Variants in RGPD8 observed in about 807,000 individuals in gnomAD.
RGPD8 encodes the protein RANBP2-like and GRIP domain-containing protein 8.
RGPD8 carries 15 observed loss-of-function variants against 89.1 expected under a neutral mutation model. The ratio of observed to expected loss-of-function variants is 0.17; its 90% CI spans 0.11 to 0.26. The LOEUF is 0.26. Ranked by LOEUF, RGPD8 falls within the 10% of genes least tolerant of loss-of-function variation. RGPD8 has a pLI of 1.00. For missense variants in RGPD8, 178 were observed against 1,179.6 expected (o/e 0.15, Z 12.44); for synonymous variants, 62 against 420.9 (o/e 0.15, Z 10.44).
intron 1 of RGPD8, among the ~76,000 whole-genome samples, chr2:112,433,126 G>C (rs1680127129): frequency 8.6e-6 from 1 of 116,470 alleles, no homozygotes; most frequent in Non-Finnish European, 1.9e-5. Flanking sequence ...GACCCATCGA[G>C]GCCGCCGCCG....
rs1350607811 is a variant in RGPD8 at position 112,415,211 on chromosome 2, G to A, written c.782+1982C>T. ...ATCCTGGCTAACACGGTGACACTCCGTCTCTACTAAAAATACAAAAAAAAT... is the reference window on the plus strand; with the variant it reads ...ATCCTGGCTAACACGGTGACACTCCATCTCTACTAAAAATACAAAAAAAAT... On this transcript the variant is annotated intron_variant, in intron 6 of 22. Transcript: ENST00000302558. Among the ~76,000 whole-genome samples the A allele has an allele frequency of 8.6e-5, 13 of 151,942 alleles. No individual in the cohort carries two copies. The South Asian group carries it at 1.5e-3, about 17-fold the overall frequency.
chr2:112,429,341 C>G (rs1356143312), intron 1 of RGPD8, among the ~76,000 whole-genome samples: 1 of 135,272 alleles, frequency 7.4e-6, no homozygotes, highest in African/African-American at 2.7e-5. Flanking sequence ...GCGTGAACCC[C>G]GGAGGCAGAG....
intron 1 of RGPD8, 69 bp downstream of exon 1, chr2:112,433,313 G>C (rs1162971256): frequency 7.1e-5 from 100 of 1,401,678 alleles, no homozygotes; most frequent in African/African-American, 1.5e-4. Flanking sequence ...CGAGGCCGCC[G>C]CCGGGCCGGG....
chr2:112,380,650 CAAA>C (rs369818204), intron 21 of RGPD8, among the ~76,000 whole-genome samples, 171 bp downstream of exon 21: 8 of 109,400 alleles, frequency 7.3e-5, no homozygotes, highest in African/African-American at 1.7e-4. Flanking sequence ...AAGACTGTCT[CAAA>C]AAAAAAAAAA....
In RGPD8 at chr2:112,433,536, G is replaced by T; in HGVS notation, c.-83C>A. On this transcript the variant is annotated 5_prime_UTR_variant, in exon 1 of 23. Transcript: ENST00000302558. ...CGCCACTTCCAAGAGGAAAGTGCCT[G>T]CAAGCCACTGAAGCAGCGGCGTAGC... is the stretch of plus-strand genomic sequence containing the variant. The T allele has an allele frequency of 4.3e-6, 6 of 1,396,506 alleles. No individual in the cohort carries two copies. Among genetic ancestry groups the T allele is most frequent in the Non-Finnish European group, 5.9e-6 (6 of 1,024,990 alleles). The allele number at this position is 1,396,506 out of a possible 1,614,324, so 86.5% of individuals were successfully genotyped here.
At chr2:112,371,374 T>C (rs1254591439) in intron 22 of RGPD8, among the ~76,000 whole-genome samples, 1 of 33,252 alleles carries the variant, frequency 3.0e-5, no homozygotes, top group Non-Finnish European at 6.5e-5. Context: ...ATAGTTCTGC[T>C]TTTTTCAGTG....
intron 7 of RGPD8, among the ~76,000 whole-genome samples, chr2:112,410,636 G>C (rs560722537): frequency 2.7e-5 from 4 of 150,632 alleles, no homozygotes; most frequent in Non-Finnish European, 5.9e-5. Flanking sequence ...AAATTAGCCA[G>C]GCATGGTGGT....
rs901780166 is a variant in RGPD8, at chr2:112,373,017, G to C, written c.5264-2805C>G. On this transcript the variant is annotated intron_variant, in intron 22 of 22. Coordinates refer to ENST00000302558, the MANE Select transcript of RGPD8 (RefSeq NM_001164463.1). ...CTGTAAACTGTAACCCAGTCTGGGA[G>C]CAAAGAAGATATAGAAAAATGACTT... Among the ~76,000 whole-genome samples, 3 of 145,028 alleles carry C rather than the reference G, an allele frequency of 2.1e-5. 1 individual carries two copies. The highest frequency in any genetic ancestry group is 8.5e-5 in the African/African-American group (3 of 35,474).
At chr2:112,431,686 G>GAGTGCAGTAGCGCGCTGT (rs1249773852) in intron 1 of RGPD8, among the ~76,000 whole-genome samples, 3 of 151,398 alleles carry the variant, frequency 2.0e-5, no homozygotes, top group Non-Finnish European at 4.4e-5. Flanking sequence ...GCCCAGGCTG[G>GAGTGCAGTAGCGCGCTGT]AGTGCAGTAG....
intron 1 of RGPD8, among the ~76,000 whole-genome samples, chr2:112,426,827 CTTT>C (rs1200394000): frequency 4.5e-5 from 6 of 133,516 alleles, no homozygotes; most frequent in African/African-American, 1.4e-4. Context: ...TCCCCCCTTC[CTTT>C]TTTTTTTTTT....
At chr2:112,370,358 G>GGGGGGGGT (rs1558970596) in intron 22 of RGPD8, 146 bp from the exon 23 acceptor site, 2 of 285,500 alleles carry the variant, frequency 7.0e-6, no homozygotes, top group African/African-American at 3.1e-5. Context: ...TGGGGGGGGG[G>GGGGGGGGT]GTTCTTTTTT....
At chr2:112,417,162 T>G in intron 6 of RGPD8, 31 bp downstream of exon 6, 1 of 1,608,204 alleles carries the variant, frequency 6.2e-7, no homozygotes, top group Non-Finnish European at 8.5e-7. Context: ...CTGCAATTTA[T>G]ACTAAAGCAT....
At chr2:112,429,364 C>T (rs1226415389) in intron 1 of RGPD8, among the ~76,000 whole-genome samples, 2 of 128,472 alleles carry the variant, frequency 1.6e-5, no homozygotes, top group Non-Finnish European at 3.1e-5. Context: ...TGCAGTGAGC[C>T]GAGATCGCGA....
intron 20 of RGPD8, among the ~76,000 whole-genome samples, chr2:112,387,342 GTTT>G (rs975182268): frequency 8.9e-6 from 1 of 112,984 alleles, no homozygotes; most frequent in African/African-American, 3.3e-5. Flanking sequence ...TCAATATCAT[GTTT>G]TTTTTTGTTT....
intron 1 of RGPD8, among the ~76,000 whole-genome samples, chr2:112,426,246 C>T (rs1366226341): frequency 1.3e-5 from 2 of 152,172 alleles, no homozygotes; most frequent in Non-Finnish European, 2.9e-5. Flanking sequence ...ATAAAGGTCA[C>T]TTGAACACAA....
intron 7 of RGPD8, among the ~76,000 whole-genome samples, chr2:112,409,841 G>C (rs1391967724): frequency 7.1e-6 from 1 of 140,418 alleles, no homozygotes; most frequent in Non-Finnish European, 1.5e-5. Context: ...GCTGTGCGCA[G>C]CAGCTCACAC....
intron 6 of RGPD8, among the ~76,000 whole-genome samples, chr2:112,415,848 A>C (rs1679380902): frequency 6.7e-6 from 1 of 148,230 alleles, no homozygotes; most frequent in African/African-American, 2.5e-5. Flanking sequence ...GCACCACTGC[A>C]TGCCAACCTG....
chr2:112,424,443 G>A (rs1679672744), intron 1 of RGPD8, 136 bp from the exon 2 acceptor site: 1 of 1,063,962 alleles, frequency 9.4e-7, no homozygotes, highest in Admixed American at 2.6e-5. Context: ...AATAGAGCTG[G>A]GTGCAGCGGC....
At chr2:112,420,122 G>A (rs1312586672) in intron 4 of RGPD8, among the ~76,000 whole-genome samples, 5 of 139,466 alleles carry the variant, frequency 3.6e-5, no homozygotes, top group Non-Finnish European at 7.7e-5. Flanking sequence ...GTGAGCCGAG[G>A]TAGCACCACT....
Sources: allele counts gnomAD v4.1 joint callset (sites outside exome capture counted in the v4.1 genomes callset), GRCh38; gene constraint gnomAD v4.1.1; transcripts MANE v1.5; gene names NCBI Gene and HGNC (gene_info 2026-07-23, HGNC 2026-07-21).